LYPD5: variants seen among roughly 807,000 people sequenced by gnomAD.
LYPD5 encodes LY6/PLAUR domain containing 5, also known as ly6/PLAUR domain-containing protein 5.
A neutral mutation model predicts 19.1 loss-of-function variants in LYPD5; 21 were observed. The observed-to-expected ratio is 1.10, with a 90% CI of 0.78 to 1.58. The LOEUF (loss-of-function observed/expected upper bound fraction) is 1.58. LYPD5 is among the 40% of genes most tolerant of loss of function. The pLI, the probability that LYPD5 is intolerant of heterozygous loss-of-function variation, is 0.00. For missense variants in LYPD5, 287 were observed against 329.8 expected (o/e 0.87, Z 1.00); for synonymous variants, 128 against 142.7 (o/e 0.90, Z 0.74).
At chr19:43,801,568 A>G (rs1466634630) in intron 1 of LYPD5, among the ~76,000 whole-genome samples, 3 of 152,238 alleles carry the variant, frequency 2.0e-5, no homozygotes. Flanking sequence ...TACAAATCAC[A>G]GATACATAAA....
At chr19:43,809,348 T>C (rs138270155) in intron 1 of LYPD5, among the ~76,000 whole-genome samples, 80 of 151,714 alleles carry the variant, frequency 5.3e-4, no homozygotes, top group African/African-American at 1.8e-3. Flanking sequence ...GATATTATTA[T>C]ACAGTGATTT....
upstream of LYPD5, among the ~76,000 whole-genome samples, chr19:43,803,306 A>C (rs573065240): frequency 4.6e-5 from 7 of 152,370 alleles, no homozygotes; most frequent in African/African-American, 9.6e-5. Context: ...CCGAGGACAC[A>C]GGCAGACACA....
intron 1 of LYPD5, among the ~76,000 whole-genome samples, chr19:43,809,363 CA>C (rs1175666436): frequency 2.7e-5 from 4 of 150,484 alleles, no homozygotes; most frequent in Admixed American, 2.0e-4. Flanking sequence ...TGATTTGTGC[CA>C]AGTGAAAGGA....
rs186873619 is a variant in LYPD5 at position 43,798,776 on chromosome 19, G to C, written c.370+36C>G. 3 of 1,582,724 alleles carry C rather than the reference G, an allele frequency of 1.9e-6. No homozygotes were observed. The African/African-American group carries it at 4.0e-5, about 21-fold the overall frequency. On this transcript the variant is annotated intron_variant, in intron 3 of 4. Transcript: ENST00000377950. Reference sequence around the variant, plus strand: ...CCCCGAGGCTGCCAGGCCTCTCATCGTCCCTCCCGGAGCCCAGCCCCGCTC... The same window carrying C: ...CCCCGAGGCTGCCAGGCCTCTCATCCTCCCTCCCGGAGCCCAGCCCCGCTC...
chr19:43,803,882 G>A (rs1318844843), upstream of LYPD5, among the ~76,000 whole-genome samples: 1 of 151,950 alleles, frequency 6.6e-6, no homozygotes, highest in Non-Finnish European at 1.5e-5. Flanking sequence ...CTGTTGCCCA[G>A]GCTGGAGTGC....
chr19:43,799,034 T>C, intron 2 of LYPD5, 46 bp from the exon 3 acceptor site: 1 of 1,510,046 alleles, frequency 6.6e-7, no homozygotes, highest in African/African-American at 1.4e-5. Context: ...GAAACCCTTC[T>C]CCCTCCAGTC....
chr19:43,818,549 G>A (rs1443375828), intron 1 of LYPD5, among the ~76,000 whole-genome samples: 1 of 152,228 alleles, frequency 6.6e-6, no homozygotes, highest in Non-Finnish European at 1.5e-5. Flanking sequence ...CGTGTGAATA[G>A]TTCAATGGGT....
At chr19:43,798,656 C>A in intron 3 of LYPD5, 55 bp from the exon 4 acceptor site, 2 of 1,595,612 alleles carry the variant, frequency 1.3e-6, no homozygotes, top group Non-Finnish European at 1.7e-6. Context: ...CACAGTCGTG[C>A]GGGCTGCGCA....
chr19:43,799,086 A>G (rs1179699875), intron 2 of LYPD5, 98 bp from the exon 3 acceptor site: 5 of 1,182,242 alleles, frequency 4.2e-6, no homozygotes, highest in African/African-American at 1.9e-5. Flanking sequence ...ACTTTCACCT[A>G]CACCTCCTCC....
upstream of LYPD5, among the ~76,000 whole-genome samples, chr19:43,805,417 C>G (rs1484735638): frequency 6.6e-6 from 1 of 152,232 alleles, no homozygotes; most frequent in Non-Finnish European, 1.5e-5. Context: ...CACACATTAT[C>G]AGAATTGTGA....
intron 1 of LYPD5, among the ~76,000 whole-genome samples, chr19:43,819,618 G>A (rs1568408197): frequency 6.6e-6 from 1 of 152,066 alleles, no homozygotes; most frequent in Non-Finnish European, 1.5e-5. Flanking sequence ...TGGAAAAAAG[G>A]AGAACGTGTA....
chr19:43,807,126 G>A (rs1970276835), upstream of LYPD5, among the ~76,000 whole-genome samples: 1 of 152,090 alleles, frequency 6.6e-6, no homozygotes, highest in Non-Finnish European at 1.5e-5. Context: ...TCGCCTCTGG[G>A]CTATTGTGAG....
chr19:43,812,374 TATCAATCTATC>T (rs138885027), intron 1 of LYPD5, among the ~76,000 whole-genome samples: 9,315 of 124,756 alleles, frequency 0.075, 322 homozygotes, highest in Non-Finnish European at 0.097. Context: ...TCTATCTATC[TATCAATCTATC>T]ATCTATCTAT....
At chr19:43,816,058 CTAT>C (rs1341386971) in intron 1 of LYPD5, among the ~76,000 whole-genome samples, 4 of 151,978 alleles carry the variant, frequency 2.6e-5, no homozygotes, top group African/African-American at 9.7e-5. Context: ...ATCTATCTAT[CTAT>C]CTATCTATCT....
At chr19:43,818,051 T>C (rs985435947) in intron 1 of LYPD5, among the ~76,000 whole-genome samples, 1 of 152,160 alleles carries the variant, frequency 6.6e-6, no homozygotes, top group Middle Eastern at 3.2e-3. Flanking sequence ...GAAGCCACTA[T>C]AATGAGTTCT....
chr19:43,797,877 G>GTT lies in LYPD5; in HGVS notation c.518-49_518-48insAA. The GTT allele has an allele frequency of 2.1e-6, 3 of 1,411,444 alleles. No individual in the cohort carries two copies. In the South Asian group the frequency reaches 3.5e-5, roughly 17 times the overall value. The allele number at this position is 1,411,444 out of a possible 1,614,324, so 87.4% of individuals were successfully genotyped here. A position where few individuals can be genotyped will look rare whatever the true frequency, so the allele number is the denominator to read the frequency against. ...GGAACGGTCAGAACTGAGGGAGACA[G>GTT]CTGCACCTGAACCTTCACCTTGGTA... On this transcript the variant is annotated intron_variant, in intron 4 of 4. Coordinates refer to ENST00000377950, the MANE Select transcript of LYPD5 (RefSeq NM_001031749.3).
At chr19:43,809,050 T>A (rs1263650291) in intron 1 of LYPD5, among the ~76,000 whole-genome samples, 1 of 152,220 alleles carries the variant, frequency 6.6e-6, no homozygotes, top group Non-Finnish European at 1.5e-5. Flanking sequence ...ATTGTTGTTG[T>A]TGTTTTGAGA....
At chr19:43,798,304 G>A (rs1290523438) in intron 4 of LYPD5, 151 bp downstream of exon 4, 1 of 1,000,222 alleles carries the variant, frequency 1.0e-6, no homozygotes, top group Non-Finnish European at 1.5e-6. Context: ...CCTCAGACCA[G>A]GGTCAAACCT....
At position 43,797,391 on chromosome 19, in the gene LYPD5, G is replaced by A. The variant is rs10416177; in HGVS notation, c.*200C>T. 8 of 567,568 alleles carry A rather than the reference G, an allele frequency of 1.4e-5. No homozygotes were observed. Among genetic ancestry groups the A allele is most frequent in the Non-Finnish European group, 2.5e-5 (8 of 321,680 alleles). 35.2% of individuals were successfully genotyped at this position (567,568 alleles called of 1,614,324 possible). ...ACGACATGGCTGTTTTGCCCTCCCC[G>A]GGGATGCTGGTGACTGTGTCCAGTT... On this transcript the variant is annotated 3_prime_UTR_variant, in exon 5 of 5. Coordinates refer to ENST00000377950, the MANE Select transcript of LYPD5 (RefSeq NM_001031749.3).
Sources: gnomAD v4.1 joint callset for allele counts (sites outside exome capture counted in the v4.1 genomes callset) on GRCh38, gnomAD v4.1.1 for gene constraint, MANE v1.5 for transcripts, NCBI Gene and HGNC (gene_info 2026-07-23, HGNC 2026-07-21) for gene names.